The following PLXND1 variants were observed in gnomAD, a reference collection of about 807,000 sequenced individuals.
The protein encoded by PLXND1 is plexin-D1.
PLXND1 carries 54 observed loss-of-function variants against 197.7 expected under a neutral mutation model. That is an observed-to-expected ratio of 0.27 (90% CI 0.22 to 0.34). The LOEUF (loss-of-function observed/expected upper bound fraction) is 0.34. PLXND1 is among the 10% of genes least tolerant of loss of function. The pLI is 1.00. For synonymous variants in PLXND1, 1,180 were observed against 1,161.2 expected (o/e 1.02, Z -0.33); for missense variants, 2,127 against 2,699.2 (o/e 0.79, Z 4.70).
Position 129,606,671 on chromosome 3 carries a change from G to A in PLXND1, c.-32C>T. 1.1e-6 allele frequency: 1 copy of A among 896,016 alleles called. No individual in the cohort carries two copies. Among genetic ancestry groups the A allele is most frequent in the Non-Finnish European group, 1.3e-6 (1 of 748,932 alleles). The allele number at this position is 896,016 out of a possible 1,614,324, so 55.5% of individuals were successfully genotyped here. A position where few individuals can be genotyped will look rare whatever the true frequency, so the allele number is the denominator to read the frequency against. On this transcript the variant is annotated 5_prime_UTR_variant, in exon 1 of 36. Coordinates refer to ENST00000324093, the MANE Select transcript of PLXND1 (RefSeq NM_015103.3). ...GTGCGCGGGCTGCGCGGCGCGGCGAGTGCATGGGGCGAGGCGCGGCCGGGA... is the reference window on the plus strand; with the variant it reads ...GTGCGCGGGCTGCGCGGCGCGGCGAATGCATGGGGCGAGGCGCGGCCGGGA...
Position 129,589,366 on chromosome 3 carries a change from G to A in PLXND1, c.1473C>T (p.Asn491=), listed in dbSNP as rs2285373. ...NYTAVFLGTV[N]GRLLKINLNE... is the part of the protein sequence containing the mutation. ...CCATACCTACCTTGAGAAGCCTCCC[G>A]TTGACCGTGCCCAGGAAGACCGCTG... Residue 491 remains asparagine, a synonymous_variant, in exon 2 of 36, where the codon AAC becomes AAT. Transcript: ENST00000324093. The A allele has an allele frequency of 0.13, 163,857 of 1,266,794 alleles. 9,983 individuals are homozygous for A. Among genetic ancestry groups the A allele is most frequent in the East Asian group, 0.41 (12,024 of 29,482 alleles). The allele number at this position is 1,266,794 out of a possible 1,614,324, so 78.5% of individuals were successfully genotyped here.
rs374366290 is a variant in PLXND1 at position 129,578,281 on chromosome 3, C to T, written c.2346+48G>A. The T allele has an allele frequency of 1.6e-5, 19 of 1,222,930 alleles. No homozygotes were observed. In the African/African-American group the frequency reaches 2.1e-4, roughly 13 times the overall value. 75.8% of individuals were successfully genotyped at this position (1,222,930 alleles called of 1,614,324 possible). On this transcript the variant is annotated intron_variant, in intron 9 of 35. Transcript: ENST00000324093. ...GGGGCAGTTAGTGGCCTGCGTGCTC[C>T]CCGGCCTCCTCCTGGCCCCACCCGG...
At chr3:129,572,071 G>A (rs1033291520) in intron 15 of PLXND1, among the ~76,000 whole-genome samples, 5 of 151,626 alleles carry the variant, frequency 3.3e-5, no homozygotes, top group East Asian at 4.0e-4. Context: ...CTTCTCTCCC[G>A]CCTCCAACCC....
At chr3:129,593,898 T>C (rs897554160) in intron 1 of PLXND1, among the ~76,000 whole-genome samples, 4 of 152,204 alleles carry the variant, frequency 2.6e-5, no homozygotes, top group Non-Finnish European at 4.4e-5. Context: ...CCCCTCCAGC[T>C]GGCTCCCTCC....
At position 129,565,878 on chromosome 3, in the gene PLXND1, C is replaced by G. The variant is rs2085132348; in HGVS notation, c.4322+9G>C. 1.2e-6 allele frequency: 2 copies of G among 1,613,706 alleles called. No individual in the cohort carries two copies. The highest frequency in any genetic ancestry group is 1.7e-6 in the Non-Finnish European group (2 of 1,179,892). On this transcript the variant is annotated intron_variant, in intron 24 of 35. Transcript: ENST00000324093. ...TTCCCTACCCCACCCCAGTCTGTCA[C>G]AGCCTGACCTGTCGCGCACCGCAAA...
chr3:129,584,297 C>T, intron 6 of PLXND1, 64 bp from the exon 7 acceptor site: 1 of 1,593,808 alleles, frequency 6.3e-7, no homozygotes, highest in Non-Finnish European at 8.6e-7. Flanking sequence ...ACATCAGAAG[C>T]TGTGACCTCT....
chr3:129,603,240 C>CCACTCTG (rs1252876556), intron 1 of PLXND1, among the ~76,000 whole-genome samples: 1 of 152,192 alleles, frequency 6.6e-6, no homozygotes, highest in Non-Finnish European at 1.5e-5. Flanking sequence ...AGGCCCTTCG[C>CCACTCTG]CACTCTGTCC....
At chr3:129,571,935 CTTGG>C (rs2085240206) in intron 15 of PLXND1, 91 bp from the exon 16 acceptor site, 1 of 1,292,472 alleles carries the variant, frequency 7.7e-7, no homozygotes, top group East Asian at 2.5e-5. Context: ...AGTCCACGCA[CTTGG>C]CCTGGGGTTC....
chr3:129,606,531 G>GCAGCAA lies in PLXND1; in HGVS notation c.103_108dup (p.Leu38_Leu39dup). ...CCGGCCCGCGCCGCCCCCAGGAGCA[G>GCAGCAA]CAGCAACAGCAGCGGCACCGGGCAC... is the stretch of plus-strand genomic sequence containing the variant. On this transcript the variant is annotated inframe_insertion, in exon 1 of 36. Coordinates refer to ENST00000324093, the MANE Select transcript of PLXND1 (RefSeq NM_015103.3). 1 of 1,347,502 alleles carries GCAGCAA rather than the reference G, an allele frequency of 7.4e-7. No homozygotes were observed. Among genetic ancestry groups the GCAGCAA allele is most frequent in the Non-Finnish European group, 9.5e-7 (1 of 1,052,362 alleles). The allele number at this position is 1,347,502 out of a possible 1,614,324, so 83.5% of individuals were successfully genotyped here. A position where few individuals can be genotyped will look rare whatever the true frequency, so the allele number is the denominator to read the frequency against.
rs937990831 is a variant in PLXND1, at chr3:129,562,946, G to A, written c.4669-3C>T. Reference sequence around the variant, plus strand: ...CCCTGGAAGGACACGTTCAGGTTCTGCAGGGGGAGAGTGGGAGAGAAAGGT... The same window carrying A: ...CCCTGGAAGGACACGTTCAGGTTCTACAGGGGGAGAGTGGGAGAGAAAGGT... On this transcript the variant is annotated splice_region_variant and splice_polypyrimidine_tract_variant and intron_variant, in intron 26 of 35. Transcript: ENST00000324093. 29 of 1,603,164 alleles carry A rather than the reference G, an allele frequency of 1.8e-5. No homozygotes were observed. The highest frequency in any genetic ancestry group is 2.4e-5 in the Non-Finnish European group (28 of 1,170,780).
chr3:129,603,993 G>A (rs1257730467), intron 1 of PLXND1, among the ~76,000 whole-genome samples: 1 of 152,132 alleles, frequency 6.6e-6, no homozygotes, highest in Non-Finnish European at 1.5e-5. Flanking sequence ...GTGAACTATG[G>A]GGATCAACAG....
At position 129,605,481 on chromosome 3, in the gene PLXND1, C is replaced by A. The variant is rs1186756832; in HGVS notation, c.1159G>T (p.Ala387Ser). The A allele has an allele frequency of 1.3e-6, 2 of 1,496,236 alleles. No homozygotes were observed. The highest frequency in any genetic ancestry group is 4.4e-5 in the Admixed American group (2 of 45,260). The allele number at this position is 1,496,236 out of a possible 1,614,324, so 92.7% of individuals were successfully genotyped here. A position where few individuals can be genotyped will look rare whatever the true frequency, so the allele number is the denominator to read the frequency against. The change falls in exon 1 of 36, where the codon GCA (alanine) becomes TCA (serine). Residue 387 changes from alanine to serine, a missense_variant. Ala to Ser is a moderately conservative substitution (Grantham distance 99). Around this residue, in one of 6 missense-constraint regions of PLXND1, gnomAD observed 1,095 missense variants for 1,259.8 expected, o/e 0.87. Transcript: ENST00000324093. ...TCGGCGAAGCGGAAGGCGCAGAGTG[C>A]GGCCGGAGCAGCGCGGGCCGCGGGG... Reference protein sequence around the residue: ...GSPAARAAPAALCAFRFADVR... With the variant: ...GSPAARAAPASLCAFRFADVR...
intron 25 of PLXND1, 46 bp from the exon 26 acceptor site, chr3:129,563,286 A>T: frequency 6.5e-7 from 1 of 1,528,482 alleles, no homozygotes; most frequent in South Asian, 1.2e-5. Context: ...TCTGTATTCC[A>T]GCCCCCATGC....
At chr3:129,559,451 G>T (rs2085024736) in intron 32 of PLXND1, 169 bp downstream of exon 32, 1 of 585,686 alleles carries the variant, frequency 1.7e-6, no homozygotes, top group African/African-American at 1.9e-5. Context: ...CAGTGGAGGG[G>T]AAACTGAAGC....
chr3:129,566,891 G>A (rs982554198), intron 22 of PLXND1, among the ~76,000 whole-genome samples: 1 of 152,252 alleles, frequency 6.6e-6, no homozygotes. Flanking sequence ...AGGCAGAAAG[G>A]CTGGGAGTCT....
At chr3:129,591,370 C>T (rs2085539059) in intron 1 of PLXND1, 1 of 152,568 alleles carries the variant, frequency 6.6e-6, no homozygotes, top group Admixed American at 6.5e-5. Flanking sequence ...TGGCACGTGC[C>T]TGTAGTTCCC....
At chr3:129,595,432 CA>C (rs770469887) in intron 1 of PLXND1, among the ~76,000 whole-genome samples, 20 of 152,234 alleles carry the variant, frequency 1.3e-4, no homozygotes, top group Non-Finnish European at 1.6e-4. Flanking sequence ...CCAGCGCCTT[CA>C]GGGGTGACCA....
chr3:129,575,433 G>T (rs1476063236), intron 11 of PLXND1, 36 bp downstream of exon 11: 4 of 1,319,760 alleles, frequency 3.0e-6, no homozygotes, highest in Non-Finnish European at 4.3e-6. Flanking sequence ...CTGCACTGAG[G>T]CCCCGAGGCC....
rs1017959877 is a variant in PLXND1 at position 129,577,223 on chromosome 3, C to T, written c.2346+1106G>A. ...GTAGGCTCAGCAAACAGGCCCCCAC[C>T]GCTGGGCCTGACTTCAGTGTTCTAG... On this transcript the variant is annotated intron_variant, in intron 9 of 35. Coordinates refer to ENST00000324093, the MANE Select transcript of PLXND1 (RefSeq NM_015103.3). This position sits in a 1 kb window ranked among gnomAD's most constrained non-coding sequence, Gnocchi z 5.0. 2.0e-5 allele frequency among the ~76,000 whole-genome samples: 3 copies of T among 152,150 alleles called. No homozygotes were observed. Among genetic ancestry groups the T allele is most frequent in the African/African-American group, 4.8e-5 (2 of 41,424 alleles).
Sources: gnomAD v4.1 joint callset for allele counts (sites outside exome capture counted in the v4.1 genomes callset) on GRCh38, gnomAD v4.1.1 for gene constraint, gnomAD v4.1.1 regional missense constraint, Gnocchi (gnomAD v3.1) non-coding constraint, MANE v1.5 for transcripts, NCBI Gene and HGNC (gene_info 2026-07-23, HGNC 2026-07-21) for gene names.